Variants in COL21A1 observed in about 807,000 individuals in gnomAD.
COL21A1 encodes the protein collagen alpha-1(XXI) chain.
COL21A1 carries 149 observed loss-of-function variants against 137.9 expected under a neutral mutation model. That is an observed-to-expected ratio of 1.08 (90% confidence interval 0.95 to 1.24). The LOEUF is 1.24. Ranked by LOEUF, COL21A1 falls within the 50% of genes most tolerant of loss-of-function variation. The probability of loss-of-function intolerance (pLI) is 0.00; values close to 1 mark genes in which losing one functional copy is unlikely to be tolerated. For missense variants in COL21A1, 1,167 were observed against 1,158.4 expected (o/e 1.01, Z -0.11); for synonymous variants, 456 against 391.5 (o/e 1.16, Z -1.95).
At chr6:56,322,884 C>CCCAA in intron 1 of COL21A1, among the ~76,000 whole-genome samples, 1 of 129,796 alleles carries the variant, frequency 7.7e-6, no homozygotes, top group Non-Finnish European at 1.6e-5. Context: ...CCTCTGCTAT[C>CCCAA]AAAAAAAAAA....
chr6:56,125,555 A>G lies in COL21A1; in HGVS notation c.1650+12T>C, dbSNP rs372859854. 2 of 1,587,560 alleles carry G rather than the reference A, an allele frequency of 1.3e-6. No individual in the cohort carries two copies. Among genetic ancestry groups the G allele is most frequent in the East Asian group, 2.3e-5 (1 of 44,366 alleles). On this transcript the variant is annotated intron_variant, in intron 14 of 29. Transcript: ENST00000244728. ...TTCAATATGAATACTTTGTTGTGTG[A>G]TCTATACTTCCCTTTTTGCCATAAA...
intron 1 of COL21A1, among the ~76,000 whole-genome samples, chr6:56,243,323 T>A (rs1349768535): frequency 1.3e-5 from 2 of 152,202 alleles, no homozygotes; most frequent in Non-Finnish European, 2.9e-5. Context: ...AGTGATTCCC[T>A]AGGTGTGGTC....
intron 10 of COL21A1, among the ~76,000 whole-genome samples, chr6:56,155,489 A>G (rs1036812252): frequency 2.0e-5 from 3 of 152,238 alleles, no homozygotes; most frequent in Non-Finnish European, 4.4e-5. Flanking sequence ...TTGATTCACA[A>G]TGTAAACATT....
rs980895640 is a variant in COL21A1, at chr6:56,062,822, A to G, written c.2173-1141T>C. 9.8e-5 allele frequency among the ~76,000 whole-genome samples: 15 copies of G among 152,308 alleles called. No homozygotes were observed. In the South Asian group the frequency reaches 2.9e-3, roughly 29 times the overall value. On this transcript the variant is annotated intron_variant, in intron 24 of 29. Transcript: ENST00000244728. ...CCTTACAAGATATAATCCAACAACT[A>G]GGACCAACATAAGAGAGACAAAACA...
At chr6:56,061,523 T>C in intron 25 of COL21A1, 126 bp downstream of exon 25, 1 of 523,904 alleles carries the variant, frequency 1.9e-6, no homozygotes, top group Non-Finnish European at 3.4e-6. Flanking sequence ...GAACTTCTAC[T>C]GAAGAAGATG....
At chr6:56,099,148 A>G (rs1353544609) in intron 17 of COL21A1, among the ~76,000 whole-genome samples, 6 of 151,178 alleles carry the variant, frequency 4.0e-5, no homozygotes, top group African/African-American at 1.2e-4. Context: ...CCTTTCTAAC[A>G]TTGTTTCTAC....
chr6:56,066,024 TGTGAGTACGAAGCG>T (rs1766213580), intron 23 of COL21A1, among the ~76,000 whole-genome samples: 1 of 151,872 alleles, frequency 6.6e-6, no homozygotes, highest in South Asian at 2.1e-4. Context: ...ACAGGAAATC[TGTGAGTACGAAGCG>T]GTTTATGGGG....
intron 1 of COL21A1, among the ~76,000 whole-genome samples, chr6:56,287,902 T>C (rs1763952544): frequency 6.6e-6 from 1 of 151,790 alleles, no homozygotes; most frequent in South Asian, 2.1e-4. Flanking sequence ...CCTTTGAAGA[T>C]GGAGGGAGAG....
chr6:56,290,259 T>C (rs1329448881), intron 1 of COL21A1, among the ~76,000 whole-genome samples: 1 of 151,936 alleles, frequency 6.6e-6, no homozygotes. Context: ...CTATTGATAT[T>C]GTGGTTAGAA....
chr6:56,076,942 AAC>A (rs1215124201), intron 18 of COL21A1, among the ~76,000 whole-genome samples: 1 of 151,428 alleles, frequency 6.6e-6, no homozygotes, highest in Non-Finnish European at 1.5e-5. Context: ...GAATTTGAAG[AAC>A]ACTAAAAACA....
At chr6:56,127,922 A>G (rs1341399391) in intron 12 of COL21A1, among the ~76,000 whole-genome samples, 1 of 152,060 alleles carries the variant, frequency 6.6e-6, no homozygotes, top group Non-Finnish European at 1.5e-5. Context: ...AGGCCTTTTC[A>G]TCTATAGAGA....
intron 16 of COL21A1, among the ~76,000 whole-genome samples, chr6:56,117,864 T>C (rs1335347848): frequency 6.6e-6 from 1 of 151,550 alleles, no homozygotes; most frequent in African/African-American, 2.4e-5. Context: ...AAGAAGAAAA[T>C]TGAAAAAATT....
chr6:56,267,770 A>AGAAG (rs1453939441), intron 1 of COL21A1, among the ~76,000 whole-genome samples: 1 of 125,850 alleles, frequency 7.9e-6, no homozygotes, highest in African/African-American at 2.8e-5. Context: ...AAAAAAAAAA[A>AGAAG]AAGAAGAAGA....
chr6:56,235,511 A>T (rs1781843808), intron 1 of COL21A1, among the ~76,000 whole-genome samples: 2 of 151,978 alleles, frequency 1.3e-5, no homozygotes, highest in African/African-American at 4.8e-5. Context: ...AAAATAGATC[A>T]TATAAAACTA....
intron 1 of COL21A1, among the ~76,000 whole-genome samples, chr6:56,306,337 G>T (rs1213810802): frequency 6.6e-6 from 1 of 151,260 alleles, no homozygotes; most frequent in Non-Finnish European, 1.5e-5. Flanking sequence ...TTCCAATTTG[G>T]TTCCATTCTC....
intron 16 of COL21A1, among the ~76,000 whole-genome samples, chr6:56,120,525 G>C (rs887840745): frequency 4.6e-5 from 7 of 152,214 alleles, no homozygotes; most frequent in African/African-American, 1.4e-4. Flanking sequence ...GTTAGGCGCA[G>C]TGGCTCATGC....
At chr6:56,269,004 C>A (rs1763459877) in intron 1 of COL21A1, among the ~76,000 whole-genome samples, 1 of 152,126 alleles carries the variant, frequency 6.6e-6, no homozygotes, top group African/African-American at 2.4e-5. Context: ...CAGAATAGAC[C>A]AAGCTGAGGA....
chr6:56,299,050 A>C (rs535971099), intron 1 of COL21A1, among the ~76,000 whole-genome samples: 1 of 152,260 alleles, frequency 6.6e-6, no homozygotes, highest in South Asian at 2.1e-4. Flanking sequence ...TTGTAATGAG[A>C]GAGAGCAGGG....
chr6:56,060,806 G>A lies in COL21A1; in HGVS notation c.2353-11C>T. The A allele has an allele frequency of 6.2e-7, 1 of 1,603,494 alleles. No homozygotes were observed. The highest frequency in any genetic ancestry group is 8.5e-7 in the Non-Finnish European group (1 of 1,177,100). ...TGAAAACTCTCTTCCCTGCATCAAA[G>A]TGTTAGGGGTTATAACATGCACATA... is the stretch of plus-strand genomic sequence containing the variant. On this transcript the variant is annotated splice_polypyrimidine_tract_variant and intron_variant, in intron 26 of 29. Transcript: ENST00000244728.
Sources: gnomAD v4.1 joint callset for allele counts (sites outside exome capture counted in the v4.1 genomes callset) on GRCh38, gnomAD v4.1.1 for gene constraint, MANE v1.5 for transcripts, NCBI Gene and HGNC (gene_info 2026-07-23, HGNC 2026-07-21) for gene names.